Variants in CYS1 observed in about 807,000 individuals in gnomAD.
CYS1 encodes the protein cystin 1.
A neutral mutation model predicts 9.6 loss-of-function variants in CYS1; 5 were observed. The ratio of observed to expected loss-of-function variants is 0.52; its 90% CI spans 0.27 to 1.10. The LOEUF is 1.10. Among genes scored for constraint, CYS1 ranks in the 50% least tolerant of loss-of-function variants. The pLI, the probability that CYS1 is intolerant of heterozygous loss-of-function variation, is 0.11. For synonymous variants in CYS1, 88 were observed against 95.7 expected, an observed-to-expected ratio of 0.92 and a Z score of 0.47; for missense variants, 221 against 207.9, an observed-to-expected ratio of 1.06 and a Z score of -0.39.
chr2:10,079,806 G>A (rs1661913592), intron 1 of CYS1, 100 bp downstream of exon 1: 2 of 754,332 alleles, frequency 2.7e-6, no homozygotes, highest in South Asian at 6.2e-5. Flanking sequence ...GAGGCTGGAA[G>A]GGGGCGCAGC....
chr2:10,059,323 T>G (rs1355466745), intron 2 of CYS1, among the ~76,000 whole-genome samples: 1 of 152,234 alleles, frequency 6.6e-6, no homozygotes, highest in African/African-American at 2.4e-5. Flanking sequence ...GCACGTAACT[T>G]TATTCATGAG....
rs1311017160 is a variant in CYS1, at chr2:10,080,307, G to A, written c.-84C>T. On this transcript the variant is annotated 5_prime_UTR_variant, in exon 1 of 3. Transcript: ENST00000381813. This position sits in a 1 kb window ranked among gnomAD's most constrained non-coding sequence, Gnocchi z 6.4. ...GGCGGGGACGCTAGGGGGTGCGGCC[G>A]GGGCGGGCTGCAGGGGGAGGCGCGG... 2 of 894,052 alleles carry A rather than the reference G, an allele frequency of 2.2e-6. No individual in the cohort carries two copies. Among genetic ancestry groups the A allele is most frequent in the Non-Finnish European group, 1.3e-6 (1 of 742,900 alleles). The allele number at this position is 894,052 out of a possible 1,614,324, so 55.4% of individuals were successfully genotyped here.
chr2:10,066,057 C>G, intron 1 of CYS1, 101 bp from the exon 2 acceptor site: 6 of 1,337,012 alleles, frequency 4.5e-6, no homozygotes, highest in Non-Finnish European at 6.4e-6. Context: ...CCACTTTCAA[C>G]CCAGGATCCA....
In CYS1 at chr2:10,057,197, AG is replaced by A. The variant is rs1379463839; in HGVS notation, c.*1655del. 6.6e-6 allele frequency: 1 copy of A among 152,284 alleles called. No homozygotes were observed. Among genetic ancestry groups the A allele is most frequent in the African/African-American group, 2.4e-5 (1 of 41,474 alleles). 9.4% of individuals were successfully genotyped at this position (152,284 alleles called of 1,614,324 possible). The stretch of plus-strand genomic sequence containing the variant: ...GTAAGAAATGTTAACTTATTTTAAA[AG>A]ATGTATTTGCATTATTAAAATATAG... On this transcript the variant is annotated 3_prime_UTR_variant, in exon 3 of 3. Coordinates refer to ENST00000381813, the MANE Select transcript of CYS1 (RefSeq NM_001037160.3).
At position 10,062,366 on chromosome 2, in the gene CYS1, GTTA is replaced by G. The variant is rs139505988; in HGVS notation, c.372-3411_372-3409del. Reference sequence around the variant, plus strand: ...TGTTAAATGAGGCAAGAACATTTGTGTTATTCTACTGGGTCTAGAATTTTCTCT... The same window carrying G: ...TGTTAAATGAGGCAAGAACATTTGTGTTCTACTGGGTCTAGAATTTTCTCT... On this transcript the variant is annotated intron_variant, in intron 2 of 2. Coordinates refer to ENST00000381813, the MANE Select transcript of CYS1 (RefSeq NM_001037160.3). Among the ~76,000 whole-genome samples the G allele has an allele frequency of 3.7e-3, 566 of 152,108 alleles. 5 individuals carry two copies. Among genetic ancestry groups the G allele is most frequent in the African/African-American group, 0.013 (543 of 41,500 alleles).
rs886817949 is a variant in CYS1, at chr2:10,080,108, G to A, written c.116C>T (p.Pro39Leu). 13 of 1,026,036 alleles carry A rather than the reference G, an allele frequency of 1.3e-5. No individual in the cohort carries two copies. In the African/African-American group the frequency reaches 1.7e-4, roughly 14 times the overall value. 63.6% of individuals were successfully genotyped at this position (1,026,036 alleles called of 1,614,324 possible). ...CCCCGGGACCTCGGCCGCCGCCACC[G>A]GCACCCGCCGGCGGGTCCCGCCCTC... ...ALEGGTRRRV[P>L]VAAAEVPGAA... The change falls in exon 1 of 3, where the codon CCG becomes CTG. Residue 39 changes from proline to leucine, a missense_variant. Pro to Leu is a moderately conservative substitution (Grantham distance 98). Transcript: ENST00000381813. This position sits in a 1 kb window ranked among gnomAD's most constrained non-coding sequence, Gnocchi z 6.4.
chr2:10,060,838 G>C (rs570935523), intron 2 of CYS1, among the ~76,000 whole-genome samples: 1 of 152,374 alleles, frequency 6.6e-6, no homozygotes, highest in Non-Finnish European at 1.5e-5. Context: ...AGTCCAGCCT[G>C]AGGGCTGGAC....
rs1286368816 is a variant in CYS1, at chr2:10,058,740, G to A, written c.*113C>T. On this transcript the variant is annotated 3_prime_UTR_variant, in exon 3 of 3. Coordinates refer to ENST00000381813, the MANE Select transcript of CYS1 (RefSeq NM_001037160.3). Reference sequence around the variant, plus strand: ...TTTGAAAGGGCAGCTTTGAATATCCGGGAGTGACTGCGTTTTGGAGGTGGT... The same window carrying A: ...TTTGAAAGGGCAGCTTTGAATATCCAGGAGTGACTGCGTTTTGGAGGTGGT... 2.2e-5 allele frequency: 20 copies of A among 890,364 alleles called. No individual in the cohort carries two copies. In the East Asian group the frequency reaches 4.4e-4, roughly 19 times the overall value. 55.2% of individuals were successfully genotyped at this position (890,364 alleles called of 1,614,324 possible).
rs141827259 is a variant in CYS1, at chr2:10,059,096, GCGCTCT to G, written c.372-144_372-139del. 1.4e-3 allele frequency: 1,022 copies of G among 739,824 alleles called. 8 individuals are homozygous for G. In the African/African-American group the frequency reaches 0.016, roughly 12 times the overall value. The allele number at this position is 739,824 out of a possible 1,614,324, so 45.8% of individuals were successfully genotyped here. A position where few individuals can be genotyped will look rare whatever the true frequency, so the allele number is the denominator to read the frequency against. ...AGTCTTTGCCCTGGGACACCCTGTGGCGCTCTCGCCCAGCACATATCCACCAGCAGG... is the reference window on the plus strand; with the variant it reads ...AGTCTTTGCCCTGGGACACCCTGTGGCGCCCAGCACATATCCACCAGCAGG... On this transcript the variant is annotated intron_variant, in intron 2 of 2. Transcript: ENST00000381813.
At chr2:10,061,625 G>A (rs1459329194) in intron 2 of CYS1, among the ~76,000 whole-genome samples, 1 of 152,248 alleles carries the variant, frequency 6.6e-6, no homozygotes, top group Non-Finnish European at 1.5e-5. Context: ...GACATGCCCT[G>A]TAGGTGGAAT....
At chr2:10,066,050 C>A in intron 1 of CYS1, 94 bp from the exon 2 acceptor site, 1 of 1,388,850 alleles carries the variant, frequency 7.2e-7, no homozygotes, top group African/African-American at 1.4e-5. Context: ...ATGGCCACCA[C>A]TTTCAACCCA....
At chr2:10,073,390 G>A (rs981496916) in intron 1 of CYS1, among the ~76,000 whole-genome samples, 4 of 152,152 alleles carry the variant, frequency 2.6e-5, no homozygotes, top group Admixed American at 2.6e-4. Context: ...GATTGCGGTT[G>A]GCCTGACCTG....
intron 1 of CYS1, among the ~76,000 whole-genome samples, chr2:10,073,675 T>C (rs1359658127): frequency 6.6e-6 from 1 of 152,196 alleles, no homozygotes; most frequent in Non-Finnish European, 1.5e-5. Flanking sequence ...AAACCACTGC[T>C]CTGACCCTCC....
At chr2:10,079,602 G>C (rs1377111627) in intron 1 of CYS1, among the ~76,000 whole-genome samples, 1 of 151,900 alleles carries the variant, frequency 6.6e-6, no homozygotes, top group Admixed American at 6.6e-5. Flanking sequence ...AGGGCGGCCC[G>C]GGAAGGCCAG....
At chr2:10,062,987 A>T (rs1294364695) in intron 2 of CYS1, among the ~76,000 whole-genome samples, 1 of 152,182 alleles carries the variant, frequency 6.6e-6, no homozygotes, top group Non-Finnish European at 1.5e-5. Flanking sequence ...TCAGGTCAGG[A>T]TGGCCCAGCC....
intron 2 of CYS1, among the ~76,000 whole-genome samples, chr2:10,061,838 C>T (rs1427757638): frequency 6.6e-6 from 1 of 152,086 alleles, no homozygotes; most frequent in Non-Finnish European, 1.5e-5. Context: ...CCAGGTGGGG[C>T]CATAAGCTCT....
chr2:10,072,939 T>G (rs1572459768), intron 1 of CYS1, among the ~76,000 whole-genome samples: 1 of 112,078 alleles, frequency 8.9e-6, no homozygotes, highest in African/African-American at 3.4e-5. Context: ...ATGGCGCAGG[T>G]GGGGTCTGCG....
At position 10,058,550 on chromosome 2, in the gene CYS1, G is replaced by A. The variant is rs1016478427; in HGVS notation, c.*303C>T. ...CACTGTGGAGAGCGGGCAACCAAGA[G>A]GGGCACGCATTTCAGGCTCCAGAAG... is the stretch of plus-strand genomic sequence containing the variant. On this transcript the variant is annotated 3_prime_UTR_variant, in exon 3 of 3. Coordinates refer to ENST00000381813, the MANE Select transcript of CYS1 (RefSeq NM_001037160.3). 5 of 313,522 alleles carry A rather than the reference G, an allele frequency of 1.6e-5. No individual in the cohort carries two copies. The highest frequency in any genetic ancestry group is 8.4e-5 in the African/African-American group (4 of 47,722). The allele number at this position is 313,522 out of a possible 1,614,324, so 19.4% of individuals were successfully genotyped here. A position where few individuals can be genotyped will look rare whatever the true frequency, so the allele number is the denominator to read the frequency against.
At chr2:10,064,421 T>C (rs1403227041) in intron 2 of CYS1, among the ~76,000 whole-genome samples, 3 of 152,038 alleles carry the variant, frequency 2.0e-5, no homozygotes. Context: ...AACTCTAAAG[T>C]CCCTGCTGAC....
Sources: gnomAD v4.1 joint callset for allele counts (sites outside exome capture counted in the v4.1 genomes callset) on GRCh38, gnomAD v4.1.1 for gene constraint, Gnocchi (gnomAD v3.1) non-coding constraint, MANE v1.5 for transcripts, NCBI Gene and HGNC (gene_info 2026-07-23, HGNC 2026-07-21) for gene names.